MACO1: variants seen among roughly 807,000 people sequenced by gnomAD.
MACO1 encodes the protein macoilin.
MACO1 carries 14 observed loss-of-function variants against 78.7 expected under a neutral mutation model. The ratio of observed to expected loss-of-function variants is 0.18; its 90% confidence interval spans 0.12 to 0.28. The LOEUF (loss-of-function observed/expected upper bound fraction) is 0.28, where lower values mean the gene tolerates loss of function less well. Ranked by LOEUF, MACO1 falls within the 10% of genes least tolerant of loss-of-function variation. The probability of loss-of-function intolerance (pLI) is 1.00; values close to 1 mark genes in which losing one functional copy is unlikely to be tolerated. For missense variants in MACO1, 501 were observed against 799.0 expected (o/e 0.63, Z 4.50); for synonymous variants, 288 against 291.6 (o/e 0.99, Z 0.12).
intron 1 of MACO1, among the ~76,000 whole-genome samples, chr1:25,444,906 C>G (rs371380695): frequency 5.3e-5 from 8 of 152,048 alleles, no homozygotes; most frequent in African/African-American, 1.4e-4. Context: ...GTGCATTGCT[C>G]TCCACTAGGT....
intron 4 of MACO1, among the ~76,000 whole-genome samples, chr1:25,455,695 A>G (rs2043113183): frequency 6.6e-6 from 1 of 152,188 alleles, no homozygotes; most frequent in Non-Finnish European, 1.5e-5. Context: ...TGGTGATACA[A>G]ACCAAATCTT....
chr1:25,477,452 A>G (rs979099779), intron 6 of MACO1, among the ~76,000 whole-genome samples: 2 of 152,198 alleles, frequency 1.3e-5, no homozygotes, highest in African/African-American at 4.8e-5. Flanking sequence ...GCAGCAGGGT[A>G]AATTCTGTAT....
intron 3 of MACO1, 135 bp downstream of exon 3, chr1:25,449,069 A>G (rs2043041274): frequency 6.1e-6 from 4 of 661,022 alleles, no homozygotes; most frequent in Non-Finnish European, 8.6e-6. Context: ...AATAGGTTAT[A>G]ATATACCTTC....
intron 7 of MACO1, among the ~76,000 whole-genome samples, chr1:25,484,920 T>G (rs549763769): frequency 6.6e-6 from 1 of 152,322 alleles, no homozygotes; most frequent in South Asian, 2.1e-4. Context: ...GCTAGGGCAT[T>G]ACAGGCAAAT....
intron 6 of MACO1, among the ~76,000 whole-genome samples, chr1:25,477,947 C>A (rs1428696723): frequency 6.6e-6 from 1 of 152,156 alleles, no homozygotes; most frequent in African/African-American, 2.4e-5. Flanking sequence ...AAAGCTAATA[C>A]TTAAATACTG....
At chr1:25,432,894 C>T (rs1028024453) in intron 1 of MACO1, among the ~76,000 whole-genome samples, 7 of 152,172 alleles carry the variant, frequency 4.6e-5, no homozygotes, top group Non-Finnish European at 1.0e-4. Flanking sequence ...CAAATAGACC[C>T]AGTTTACAAC....
At position 25,484,215 on chromosome 1, in the gene MACO1, G is replaced by T. The variant is rs771269437; in HGVS notation, c.1254G>T (p.Glu418Asp). The change falls in exon 7 of 11, where the codon GAG becomes GAT. Residue 418 changes from glutamate to aspartate, a missense_variant. Transcript: ENST00000374343. ...AGATCAGCTCCCTTTCGAGCACCGA[G>T]CGAGGGATCCGCTCAGAAATGGGCC... ...RSQISSLSST[E>D]RGIRSEMGQL... 6.2e-7 allele frequency: 1 copy of T among 1,613,968 alleles called. No individual in the cohort carries two copies.
chr1:25,483,567 C>T (rs1016274734), intron 6 of MACO1, among the ~76,000 whole-genome samples: 6 of 152,154 alleles, frequency 3.9e-5, no homozygotes, highest in Admixed American at 3.9e-4. Flanking sequence ...GTCTCGTGAG[C>T]TCTTCTGCCG....
In MACO1 at chr1:25,497,722, G is replaced by T. The variant is rs34974636; in HGVS notation, c.1793-542G>T. Among the ~76,000 whole-genome samples the T allele has an allele frequency of 4.8e-3, 728 of 152,262 alleles. 2 individuals are homozygous for T. Among genetic ancestry groups the T allele is most frequent in the Middle Eastern group, 0.02 (6 of 294 alleles). On this transcript the variant is annotated intron_variant, in intron 10 of 10. Transcript: ENST00000374343. ...CCTGGTGGCAGAAGCGTATTACTGT[G>T]ACTGAGTCTGAGGCCTTGGTTATGC...
intron 3 of MACO1, among the ~76,000 whole-genome samples, chr1:25,453,233 G>A (rs561720865): frequency 1.4e-4 from 21 of 148,632 alleles, no homozygotes; most frequent in African/African-American, 4.2e-4. Flanking sequence ...CTTGACTCCC[G>A]ACCTCAGGTG....
chr1:25,467,756 A>G (rs1310829606), intron 6 of MACO1, among the ~76,000 whole-genome samples: 1 of 146,174 alleles, frequency 6.8e-6, no homozygotes, highest in Non-Finnish European at 1.5e-5. Context: ...TTTTGCAAGT[A>G]GAAGAGATCT....
At chr1:25,472,283 T>C (rs1571977248) in intron 6 of MACO1, among the ~76,000 whole-genome samples, 1 of 152,148 alleles carries the variant, frequency 6.6e-6, no homozygotes, top group East Asian at 1.9e-4. Context: ...GTTACACAGG[T>C]ACATACATGC....
chr1:25,445,594 C>T (rs1472413712), intron 1 of MACO1, among the ~76,000 whole-genome samples: 2 of 150,160 alleles, frequency 1.3e-5, no homozygotes, highest in East Asian at 1.9e-4. Flanking sequence ...TATTATTTTA[C>T]TTTAAGTTCT....
At chr1:25,486,421 A>C (rs954899355) in intron 8 of MACO1, among the ~76,000 whole-genome samples, 1 of 152,190 alleles carries the variant, frequency 6.6e-6, no homozygotes, top group African/African-American at 2.4e-5. Flanking sequence ...TAGATAGTTA[A>C]GAGCTTTTTT....
intron 1 of MACO1, among the ~76,000 whole-genome samples, chr1:25,442,682 T>A (rs1172347142): frequency 6.7e-6 from 1 of 149,346 alleles, no homozygotes; most frequent in Non-Finnish European, 1.5e-5. Flanking sequence ...GGTAAAAAAA[T>A]GGTTGTAAAT....
intron 6 of MACO1, among the ~76,000 whole-genome samples, chr1:25,463,726 A>C (rs994412984): frequency 6.6e-6 from 1 of 152,218 alleles, no homozygotes; most frequent in Non-Finnish European, 1.5e-5. Context: ...ATTTTAGATA[A>C]AGGAAGAGAA....
chr1:25,462,184 A>G (rs1345023039), intron 6 of MACO1, among the ~76,000 whole-genome samples: 2 of 152,228 alleles, frequency 1.3e-5, no homozygotes, highest in Non-Finnish European at 2.9e-5. Flanking sequence ...CAGGGCTGAC[A>G]GTATGTACAT....
At chr1:25,449,574 T>A (rs973146175) in intron 3 of MACO1, among the ~76,000 whole-genome samples, 1 of 152,186 alleles carries the variant, frequency 6.6e-6, no homozygotes, top group African/African-American at 2.4e-5. Flanking sequence ...CTCACTATGT[T>A]GCCCAGGCTG....
chr1:25,478,260 A>G (rs1043591394), intron 6 of MACO1, among the ~76,000 whole-genome samples: 4 of 152,204 alleles, frequency 2.6e-5, no homozygotes, highest in Non-Finnish European at 5.9e-5. Context: ...AATTTTTTCA[A>G]TAAATAAATA....
Sources: allele counts gnomAD v4.1 joint callset (sites outside exome capture counted in the v4.1 genomes callset), GRCh38; gene constraint gnomAD v4.1.1; transcripts MANE v1.5; gene names NCBI Gene and HGNC (gene_info 2026-07-23, HGNC 2026-07-21).